RSKR: variants seen among roughly 807,000 people sequenced by gnomAD.
RSKR encodes the protein ribosomal protein S6 kinase related.
In RSKR, 44 loss-of-function variants were observed where a neutral mutation model predicts 56.8. The ratio of observed to expected loss-of-function variants is 0.77; its 90% confidence interval spans 0.61 to 1.00. The LOEUF is 1.00. Ranked by LOEUF, RSKR falls within the 50% of genes least tolerant of loss-of-function variation. RSKR has a pLI of 0.00. For missense variants in RSKR, 510 were observed against 506.9 expected (o/e 1.01, Z -0.06); for synonymous variants, 181 against 188.0 (o/e 0.96, Z 0.30).
At position 28,613,457 on chromosome 17, in the gene RSKR, C is replaced by A; in HGVS notation, c.307G>T (p.Gly103Trp). 1 of 1,614,198 alleles carries A rather than the reference C, an allele frequency of 6.2e-7. No individual in the cohort carries two copies. The change falls in exon 2 of 12, where the codon GGG becomes TGG. Residue 103 changes from glycine to tryptophan, a missense_variant. Gly to Trp is a radical substitution (Grantham distance 184, BLOSUM62 -2). Transcript: ENST00000301037. ...LPEFPIRPIR[G>W]QQQLKILGLV... is the part of the protein sequence containing the mutation. ...TGACTTACCTTCAGCTGCTGCTGCC[C>A]CCTAATGGGCCTAATGGGAAACTCT...
chr17:28,610,121 C>T lies in RSKR; in HGVS notation c.*357G>A, dbSNP rs2070791369. 8.8e-6 allele frequency: 2 copies of T among 227,606 alleles called. No homozygotes were observed. Among genetic ancestry groups the T allele is most frequent in the African/African-American group, 4.5e-5 (2 of 44,440 alleles). 14.1% of individuals were successfully genotyped at this position (227,606 alleles called of 1,614,324 possible). A position where few individuals can be genotyped will look rare whatever the true frequency, so the allele number is the denominator to read the frequency against. On this transcript the variant is annotated 3_prime_UTR_variant, in exon 12 of 12. Coordinates refer to ENST00000301037, the MANE Select transcript of RSKR (RefSeq NM_001174103.2). ...AACACATCAATAGCACCCTGGGAGC[C>T]CATGAAGTATTATTATTGCTCAAGA... is the stretch of plus-strand genomic sequence containing the variant.
Position 28,613,611 on chromosome 17 carries a change from A to T in RSKR, c.153T>A (p.Asp51Glu), listed in dbSNP as rs2070860265. ...CCCGTAGTTCCCAGAGTTCTTCCAG[A>T]TCTGACCTGATGGTTCCCAAACCTG... ...LWTGLGTIRSDLEELWELRGH... is the reference protein window; with the variant it reads ...LWTGLGTIRSELEELWELRGH... Residue 51 changes from aspartate (D) to glutamate (E), a missense_variant, in exon 2 of 12, where the codon GAT becomes GAA. Transcript: ENST00000301037. 1 of 1,613,982 alleles carries T rather than the reference A, an allele frequency of 6.2e-7. No homozygotes were observed. The highest frequency in any genetic ancestry group is 1.3e-5 in the African/African-American group (1 of 74,876).
At position 28,614,074 on chromosome 17, in the gene RSKR, C is replaced by T. The variant is rs779949243; in HGVS notation, c.75+13G>A. The T allele has an allele frequency of 1.2e-6, 2 of 1,611,316 alleles. No individual in the cohort carries two copies. Among genetic ancestry groups the T allele is most frequent in the South Asian group, 1.1e-5 (1 of 91,026 alleles). ...TCCTCCCCTCAGTAGGCTGCCAGAG[C>T]CCCACAGCCTACCTTGTGAGGGACA... On this transcript the variant is annotated intron_variant, in intron 1 of 11. Transcript: ENST00000301037.
At position 28,613,682 on chromosome 17, in the gene RSKR, C is replaced by T; in HGVS notation, c.82G>A (p.Gly28Ser). Residue 28 changes from glycine to serine, a missense_variant, in exon 2 of 12, where the codon GGC becomes AGC. Physicochemically the swap from Gly to Ser is moderately conservative, Grantham distance 56 (BLOSUM62 0). Transcript: ENST00000301037. ...TRVAVPHKQG[G>S]NIRGPWARGW... is the part of the protein sequence containing the mutation. ...CGGGCCCAGGGACCCCGGATGTTGC[C>T]ACCCTGCTGAGAACCAAGGGAGCCA... is the stretch of plus-strand genomic sequence containing the variant. 6.2e-7 allele frequency: 1 copy of T among 1,614,006 alleles called. No individual in the cohort carries two copies. The highest frequency in any genetic ancestry group is 8.5e-7 in the Non-Finnish European group (1 of 1,179,998).
Position 28,612,611 on chromosome 17 carries a change from C to T in RSKR, c.547+7G>A, listed in dbSNP as rs758824891. On this transcript the variant is annotated splice_region_variant and intron_variant, in intron 5 of 11. Transcript: ENST00000301037. ...CTGGGGGATGAGGAGAGAGTCCAGT[C>T]ACTCACTAATGAAAAGGTGCCGTTT... The T allele has an allele frequency of 1.2e-6, 2 of 1,613,370 alleles. No homozygotes were observed. Among genetic ancestry groups the T allele is most frequent in the Middle Eastern group, 1.7e-4 (1 of 6,058 alleles).
At chr17:28,613,381 T>TGGTCATTTTTAA in intron 2 of RSKR, 36 bp from the exon 3 acceptor site, 2 of 1,614,130 alleles carry the variant, frequency 1.2e-6, no homozygotes, top group Non-Finnish European at 1.7e-6. Context: ...CAGTTGAGAC[T>TGGTCATTTTTAA]GGTCATTTTT....
chr17:28,612,704 C>G lies in RSKR; in HGVS notation c.478-17G>C. 1.9e-6 allele frequency: 3 copies of G among 1,613,844 alleles called. No homozygotes were observed. The highest frequency in any genetic ancestry group is 2.5e-6 in the Non-Finnish European group (3 of 1,179,762). On this transcript the variant is annotated splice_polypyrimidine_tract_variant and intron_variant, in intron 4 of 11. Coordinates refer to ENST00000301037, the MANE Select transcript of RSKR (RefSeq NM_001174103.2). ...GATCTGTCGCTAGGAACAAAGAAAA[C>G]AGGAAGTTAGGGAGGAACAGGGTCA...
At chr17:28,611,314 G>A in intron 10 of RSKR, 61 bp from the exon 11 acceptor site, 1 of 1,529,626 alleles carries the variant, frequency 6.5e-7, no homozygotes, top group South Asian at 1.2e-5. Context: ...TAGGAATACG[G>A]CAAGATTTCC....
Position 28,611,576 on chromosome 17 carries a change from G to T in RSKR, c.802C>A (p.Gln268Lys). The change falls in exon 9 of 12, where the codon CAG (glutamine) becomes AAG (lysine). Residue 268 changes from glutamine to lysine, a missense_variant. Gln to Lys is a moderately conservative substitution (Grantham distance 53, BLOSUM62 1). Coordinates refer to ENST00000301037, the MANE Select transcript of RSKR (RefSeq NM_001174103.2). ...AQAYTICGTL[Q>K]YMAPEVLSGG... is the part of the protein sequence containing the mutation. Reference sequence around the variant, plus strand: ...CTTTAACCTCTCTCACCCATGTACTGAAGAGTGCCACAGATAGTGTAGGCT... The same window carrying T: ...CTTTAACCTCTCTCACCCATGTACTTAAGAGTGCCACAGATAGTGTAGGCT... 6.4e-7 allele frequency: 1 copy of T among 1,556,464 alleles called. No individual in the cohort carries two copies.
chr17:28,610,544 C>A lies in RSKR; in HGVS notation c.1167G>T (p.Glu389Asp). ...ETQATQPSSA[E>D]TMPFDDFDCD... is the part of the protein sequence containing the mutation. ...AGTCAAAGTCGTCAAAGGGCATGGTCTCCGCTGAACTGGGCTGGGTAGCTT... is the reference window on the plus strand; with the variant it reads ...AGTCAAAGTCGTCAAAGGGCATGGTATCCGCTGAACTGGGCTGGGTAGCTT... The change falls in exon 12 of 12, where the codon GAG (glutamate) becomes GAT (aspartate). Residue 389 changes from glutamate to aspartate, a missense_variant. Transcript: ENST00000301037. 6.5e-7 allele frequency: 1 copy of A among 1,536,044 alleles called. No individual in the cohort carries two copies. The highest frequency in any genetic ancestry group is 2.4e-5 in the East Asian group (1 of 40,898).
rs759589114 is a variant in RSKR, at chr17:28,611,792, C to T, written c.697G>A (p.Glu233Lys). ...LGIMHRDVKMENILLDERGHL... is the reference protein window; with the variant it reads ...LGIMHRDVKMKNILLDERGHL... ...CCTCGTTCATCTAGAAGAATATTCT[C>T]CATCTGAAAGATCACAGGTGAGAAG... Residue 233 changes from glutamate (E) to lysine (K), a missense_variant, in exon 8 of 12, where the codon GAG (glutamate) becomes AAG (lysine). Physicochemically the swap from Glu to Lys is moderately conservative, Grantham distance 56. Transcript: ENST00000301037. 6.2e-7 allele frequency: 1 copy of T among 1,614,208 alleles called. No individual in the cohort carries two copies. Among genetic ancestry groups the T allele is most frequent in the South Asian group, 1.1e-5 (1 of 91,084 alleles).
At position 28,613,059 on chromosome 17, in the gene RSKR, T is replaced by TC. The variant is rs2070844061; in HGVS notation, c.477+18dup. Reference sequence around the variant, plus strand: ...TGGCCTAGCTCTTCCCACAATCCTTTCCAGGACTCTGTGCATACCTGGATG... The same window carrying TC: ...TGGCCTAGCTCTTCCCACAATCCTTTCCCAGGACTCTGTGCATACCTGGATG... On this transcript the variant is annotated intron_variant, in intron 4 of 11. Transcript: ENST00000301037. The TC allele has an allele frequency of 3.1e-6, 5 of 1,613,904 alleles. No individual in the cohort carries two copies. Among genetic ancestry groups the TC allele is most frequent in the Non-Finnish European group, 4.2e-6 (5 of 1,179,860 alleles).
rs375300518 is a variant in RSKR at position 28,614,111 on chromosome 17, G to A, written c.51C>T (p.His17=). ...RQGQHTQQGE[H]TRVAVPHKQG... is the part of the protein sequence containing the mutation. ...CCTTGTGAGGGACAGCCACCCGGGT[G>A]TGTTCCCCCTGCTGGGTGTGCTGCC... Residue 17 remains histidine (H), a synonymous_variant, in exon 1 of 12, where the codon CAC becomes CAT. Coordinates refer to ENST00000301037, the MANE Select transcript of RSKR (RefSeq NM_001174103.2). The A allele has an allele frequency of 5.6e-6, 9 of 1,613,544 alleles. No homozygotes were observed. The African/African-American group carries it at 6.7e-5, about 12-fold the overall frequency.
At chr17:28,612,762 T>A in intron 4 of RSKR, 75 bp from the exon 5 acceptor site, 1 of 1,438,464 alleles carries the variant, frequency 7.0e-7, no homozygotes, top group Admixed American at 1.7e-5. Context: ...AATCAGGTTT[T>A]ACCCAGATGT....
rs2070793320 is a variant in RSKR, at chr17:28,610,264, G to C, written c.*214C>G. 1.8e-6 allele frequency: 1 copy of C among 561,874 alleles called. No homozygotes were observed. The highest frequency in any genetic ancestry group is 1.9e-5 in the African/African-American group (1 of 53,212). 34.8% of individuals were successfully genotyped at this position (561,874 alleles called of 1,614,324 possible). A position where few individuals can be genotyped will look rare whatever the true frequency, so the allele number is the denominator to read the frequency against. On this transcript the variant is annotated 3_prime_UTR_variant, in exon 12 of 12. Transcript: ENST00000301037. The stretch of plus-strand genomic sequence containing the variant: ...CCACCCTGATCTGACATGTTGAATT[G>C]AGAGGTAGGTTGTATGATAGGGAAG...
rs767892302 is a variant in RSKR at position 28,611,149 on chromosome 17, G to C, written c.1005C>G (p.Leu335=). The change falls in exon 11 of 12, where the codon CTC becomes CTG. Residue 335 remains leucine, a synonymous_variant. Coordinates refer to ENST00000301037, the MANE Select transcript of RSKR (RefSeq NM_001174103.2). ...AAGCAGTGCTCATCCTTACCTCATG[G>C]AGCAGGAGTGAGAGGCCCTGGTTAA... The part of the protein sequence containing the change: ...ASLNQGLSLL[L]HELLCQNPLH... The C allele has an allele frequency of 6.5e-7, 1 of 1,535,948 alleles. No homozygotes were observed. Among genetic ancestry groups the C allele is most frequent in the Middle Eastern group, 1.7e-4 (1 of 5,978 alleles).
intron 5 of RSKR, 82 bp downstream of exon 5, chr17:28,612,536 C>T (rs971358237): frequency 1.3e-6 from 2 of 1,499,792 alleles, no homozygotes; most frequent in African/African-American, 2.8e-5. Flanking sequence ...AGAGCAAAGG[C>T]AGAACAAGCC....
chr17:28,613,988 G>T, intron 1 of RSKR, 99 bp downstream of exon 1: 1 of 1,471,972 alleles, frequency 6.8e-7, no homozygotes. Context: ...CCCCCACATT[G>T]GGTAATCACT....
At position 28,609,529 on chromosome 17, in the gene RSKR, C is replaced by T. The variant is rs2070783857; in HGVS notation, c.*949G>A. On this transcript the variant is annotated 3_prime_UTR_variant, in exon 12 of 12. Transcript: ENST00000301037. ...TCACTAGATTATTTTATTCACTTTT[C>T]AATTTTTAAAAATTAGATTTATTGC... The T allele has an allele frequency of 6.6e-6, 1 of 151,996 alleles. No homozygotes were observed. Among genetic ancestry groups the T allele is most frequent in the African/African-American group, 2.4e-5 (1 of 41,378 alleles). 9.4% of individuals were successfully genotyped at this position (151,996 alleles called of 1,614,324 possible).
Sources: allele counts gnomAD v4.1 joint callset, GRCh38; gene constraint gnomAD v4.1.1; transcripts MANE v1.5; gene names NCBI Gene and HGNC (gene_info 2026-07-23, HGNC 2026-07-21).